EP300: variants seen among roughly 807,000 people sequenced by gnomAD.
EP300 encodes the protein EP300 lysine acetyltransferase.
A neutral mutation model predicts 264.0 loss-of-function variants in EP300; 31 were observed. The ratio of observed to expected loss-of-function variants is 0.12; its 90% CI spans 0.09 to 0.16. The LOEUF (loss-of-function observed/expected upper bound fraction) is 0.16, where lower values mean the gene tolerates loss of function less well. Among genes scored for constraint, EP300 ranks in the 10% least tolerant of loss-of-function variants. The pLI is 1.00. For missense variants in EP300, 2,766 were observed against 3,052.9 expected, an observed-to-expected ratio of 0.91 and a Z score of 2.21; for synonymous variants, 1,340 against 1,045.4, an observed-to-expected ratio of 1.28 and a Z score of -5.44.
At chr22:41,158,185 G>A (rs552155599) in intron 18 of EP300, among the ~76,000 whole-genome samples, 4 of 152,326 alleles carry the variant, frequency 2.6e-5, no homozygotes, top group Admixed American at 2.6e-4. Context: ...ATTCCTGTTA[G>A]GTTCTTTGGT....
At chr22:41,167,770 G>A (rs1327165039) in intron 23 of EP300, among the ~76,000 whole-genome samples, 1 of 132,020 alleles carries the variant, frequency 7.6e-6, no homozygotes, top group Non-Finnish European at 1.6e-5. Flanking sequence ...GATTATGGGT[G>A]TGAGCCTTGT....
Position 41,139,492 on chromosome 22 carries a change from A to G in EP300, c.1761-648A>G, listed in dbSNP as rs566444758. Among the ~76,000 whole-genome samples, 18 of 152,282 alleles carry G rather than the reference A, an allele frequency of 1.2e-4. No individual in the cohort carries two copies. In the East Asian group the frequency reaches 2.5e-3, roughly 21 times the overall value. ...CAACTTGGTATTATTCTGGACTTCC[A>G]TTTATATCTTCTTGATCTGGTTCCT... On this transcript the variant is annotated intron_variant, in intron 8 of 30. Coordinates refer to ENST00000263253, the MANE Select transcript of EP300 (RefSeq NM_001429.4).
At chr22:41,166,426 ATC>A (rs1165732098) in intron 22 of EP300, among the ~76,000 whole-genome samples, 171 bp from the exon 23 acceptor site, 9 of 151,956 alleles carry the variant, frequency 5.9e-5, no homozygotes, top group Non-Finnish European at 1.3e-4. Context: ...ATTTTCAATT[ATC>A]TTTTTTATTC....
chr22:41,163,482 G>A (rs2059118763), intron 21 of EP300, among the ~76,000 whole-genome samples: 1 of 150,230 alleles, frequency 6.7e-6, no homozygotes, highest in Admixed American at 6.7e-5. Flanking sequence ...GGGCACAGTG[G>A]CCCACATCTG....
chr22:41,164,245 G>T, intron 22 of EP300, 115 bp downstream of exon 22: 1 of 1,036,578 alleles, frequency 9.6e-7, no homozygotes. Context: ...TCTTTAAATT[G>T]TTTTCTTTGG....
In EP300 at chr22:41,110,220, T is replaced by C. The variant is rs533170049; in HGVS notation, c.95-6967T>C. ...ATAGCGCACTGCAGCCTCAACCTCC[T>C]GGGCTCAAGCAGGCCCTTTGAGTAA... On this transcript the variant is annotated intron_variant, in intron 1 of 30. Transcript: ENST00000263253. Among the ~76,000 whole-genome samples the C allele has an allele frequency of 5.7e-4, 77 of 134,560 alleles. 1 individual carries two copies. Among genetic ancestry groups the C allele is most frequent in the Middle Eastern group, 8.5e-3 (2 of 234 alleles). The allele number at this position is 134,560 out of a possible 152,430, so 88.3% of individuals were successfully genotyped here.
At chr22:41,132,775 G>A (rs1015090957) in intron 6 of EP300, among the ~76,000 whole-genome samples, 4 of 152,042 alleles carry the variant, frequency 2.6e-5, no homozygotes, top group African/African-American at 9.7e-5. Context: ...TTTGTGACTT[G>A]TTTGCCTCAC....
rs749979249 is a variant in EP300 at position 41,177,394 on chromosome 22, C to T, written c.5683C>T (p.Pro1895Ser). 57 of 1,614,024 alleles carry T rather than the reference C, an allele frequency of 3.5e-5. No individual in the cohort carries two copies. The highest frequency in any genetic ancestry group is 4.7e-5 in the Non-Finnish European group (56 of 1,180,038). ...PYLPRTQAAG[P>S]VSQGKAAGQV... ...CTTGCCCAGGACTCAAGCTGCTGGC[C>T]CTGTGTCCCAGGGTAAGGCAGCAGG... Residue 1895 changes from proline to serine, a missense_variant, in exon 31 of 31, where the codon CCT becomes TCT. By Grantham distance (74) the Pro-to-Ser change is moderately conservative. Coordinates refer to ENST00000263253, the MANE Select transcript of EP300 (RefSeq NM_001429.4).
intron 8 of EP300, among the ~76,000 whole-genome samples, 189 bp from the exon 9 acceptor site, chr22:41,139,951 A>T (rs1451561818): frequency 6.6e-6 from 1 of 152,190 alleles, no homozygotes; most frequent in Non-Finnish European, 1.5e-5. Context: ...GTCATTTCTT[A>T]TATTGTGAAC....
chr22:41,126,712 G>A (rs988986949), intron 3 of EP300, among the ~76,000 whole-genome samples: 1 of 129,062 alleles, frequency 7.7e-6, no homozygotes, highest in Non-Finnish European at 1.6e-5. Context: ...TGTCATCTCT[G>A]TCCCGAGAAA....
intron 1 of EP300, among the ~76,000 whole-genome samples, chr22:41,106,727 A>G (rs941894902): frequency 6.6e-6 from 1 of 151,670 alleles, no homozygotes; most frequent in Non-Finnish European, 1.5e-5. Context: ...TGATCCTCCC[A>G]CCTCAGCCTG....
At chr22:41,168,697 T>A in intron 24 of EP300, 24 bp from the exon 25 acceptor site, 1 of 1,614,202 alleles carries the variant, frequency 6.2e-7, no homozygotes, top group Non-Finnish European at 8.5e-7. Context: ...ATGTTGTGGT[T>A]CCCCCACCAT....
In EP300 at chr22:41,149,829, C is replaced by T. The variant is rs766128239; in HGVS notation, c.2448C>T (p.His816=). 9 of 1,614,014 alleles carry T rather than the reference C, an allele frequency of 5.6e-6. No individual in the cohort carries two copies. In the East Asian group the frequency reaches 1.6e-4, roughly 28 times the overall value. Residue 816 remains histidine, a synonymous_variant, in exon 14 of 31, where the codon CAC becomes CAT. Coordinates refer to ENST00000263253, the MANE Select transcript of EP300 (RefSeq NM_001429.4). ...PIMPPGSQGS[H]IHCPQLPQPA... ...TGCCTCCAGGGTCTCAGGGGAGCCA[C>T]ATTCACTGTCCCCAGCTTCCTCAAC...
chr22:41,176,680 G>C lies in EP300; in HGVS notation c.5062-93G>C. 1.9e-6 allele frequency: 3 copies of C among 1,612,326 alleles called. No homozygotes were observed. In the South Asian group the frequency reaches 3.3e-5, roughly 18 times the overall value. On this transcript the variant is annotated intron_variant, in intron 30 of 30. Coordinates refer to ENST00000263253, the MANE Select transcript of EP300 (RefSeq NM_001429.4). ...CTGAAGAGGCTAGTTTTTGTTCTAC[G>C]AAAGGGGCTTTTCTAGCCCAAACAA... is the stretch of plus-strand genomic sequence containing the variant.
At position 41,176,753 on chromosome 22, in the gene EP300, A is replaced by C. The variant is rs776301376; in HGVS notation, c.5062-20A>C. 2.5e-6 allele frequency: 4 copies of C among 1,613,738 alleles called. No individual in the cohort carries two copies. The highest frequency in any genetic ancestry group is 3.4e-6 in the Non-Finnish European group (4 of 1,180,026). On this transcript the variant is annotated intron_variant, in intron 30 of 30. Transcript: ENST00000263253. ...CTTAAATCTTGGAGAGTTTACGTGC[A>C]CCTCCTGTTTTTTCCCTAGGATTAT... is the stretch of plus-strand genomic sequence containing the variant.
chr22:41,166,540 T>C, intron 22 of EP300, 59 bp from the exon 23 acceptor site: 1 of 1,354,656 alleles, frequency 7.4e-7, no homozygotes. Flanking sequence ...TAACTTTTTG[T>C]TAGTATAAAT....
In EP300 at chr22:41,127,482, C is replaced by T; in HGVS notation, c.907-5C>T. 2 of 1,614,040 alleles carry T rather than the reference C, an allele frequency of 1.2e-6. No homozygotes were observed. The highest frequency in any genetic ancestry group is 1.7e-6 in the Non-Finnish European group (2 of 1,180,008). On this transcript the variant is annotated splice_region_variant and splice_polypyrimidine_tract_variant and intron_variant, in intron 3 of 30. Transcript: ENST00000263253. ...TACCATTAAATATATTGTTATATCTCTCAGGGTCAACAGCCAGCCCCGCAG... is the reference window on the plus strand; with the variant it reads ...TACCATTAAATATATTGTTATATCTTTCAGGGTCAACAGCCAGCCCCGCAG...
chr22:41,115,336 A>T (rs1256997441), intron 1 of EP300, among the ~76,000 whole-genome samples: 1 of 152,184 alleles, frequency 6.6e-6, no homozygotes, highest in Non-Finnish European at 1.5e-5. Flanking sequence ...GCACAAGACA[A>T]TCACCCTCCA....
intron 11 of EP300, among the ~76,000 whole-genome samples, chr22:41,147,162 C>A (rs186541424): frequency 6.6e-6 from 1 of 152,100 alleles, no homozygotes; most frequent in Non-Finnish European, 1.5e-5. Flanking sequence ...AAAAATTAGC[C>A]GGTTGTAGTG....
Sources: allele counts gnomAD v4.1 joint callset (sites outside exome capture counted in the v4.1 genomes callset), GRCh38; gene constraint gnomAD v4.1.1; transcripts MANE v1.5; gene names NCBI Gene and HGNC (gene_info 2026-07-23, HGNC 2026-07-21).